Variants in CASD1 observed in about 807,000 individuals in gnomAD.
The protein encoded by CASD1 is CAS1 domain sialic acid O acetyltransferase 1, also known as N-acetylneuraminate (7)9-O-acetyltransferase.
Under a neutral mutation model 100.0 loss-of-function variants are expected in CASD1, and 41 were observed. The ratio of observed to expected loss-of-function variants is 0.41; its 90% CI spans 0.32 to 0.53. CASD1 has a LOEUF of 0.53. Among genes scored for constraint, CASD1 ranks in the 20% least tolerant of loss-of-function variants. The probability of loss-of-function intolerance (pLI) is 0.25; values close to 1 mark genes in which losing one functional copy is unlikely to be tolerated. For synonymous variants in CASD1, 321 were observed against 315.6 expected (o/e 1.02, Z -0.18); for missense variants, 774 against 948.7 (o/e 0.82, Z 2.42).
At chr7:94,590,568 G>C in the CASD1 span, 2 of 152,316 alleles carry the variant, frequency 1.3e-5, no homozygotes, top group South Asian at 4.1e-4. Context: ...CTGTATGGAA[G>C]AAACTCCAGG....
At chr7:94,564,145 A>G in the CASD1 span, among the ~76,000 whole-genome samples, 1 of 152,186 alleles carries the variant, frequency 6.6e-6, no homozygotes, top group Non-Finnish European at 1.5e-5. Flanking sequence ...AATGCACACA[A>G]TTTCTGATTA....
the CASD1 span, among the ~76,000 whole-genome samples, chr7:94,633,505 C>T: frequency 1.3e-5 from 2 of 151,992 alleles, no homozygotes; most frequent in Non-Finnish European, 1.5e-5. Flanking sequence ...ACCTTGTTCA[C>T]AAAACTGTTA....
intron 7 of CASD1, among the ~76,000 whole-genome samples, chr7:94,534,748 T>C (rs146298641): frequency 1.0e-3 from 156 of 152,304 alleles, no homozygotes; most frequent in African/African-American, 3.7e-3. Flanking sequence ...TGATGATCTG[T>C]TCCATAATCT....
chr7:94,535,188 C>A (rs945535463), intron 7 of CASD1, 121 bp from the exon 8 acceptor site: 40 of 696,476 alleles, frequency 5.7e-5, no homozygotes, highest in Non-Finnish European at 8.7e-5. Context: ...TATTAGGTAC[C>A]TGGTACCATC....
the CASD1 span, among the ~76,000 whole-genome samples, chr7:94,576,138 AAGAC>A: frequency 6.6e-6 from 1 of 152,208 alleles, no homozygotes; most frequent in African/African-American, 2.4e-5. Flanking sequence ...CTTATGGAAT[AAGAC>A]AGGTCTCTCA....
rs1051958674 is a variant in CASD1, at chr7:94,550,271, T to C, written c.1815+637T>C. Among the ~76,000 whole-genome samples, 5 of 152,266 alleles carry C rather than the reference T, an allele frequency of 3.3e-5. No individual in the cohort carries two copies. The South Asian group carries it at 1.0e-3, about 32-fold the overall frequency. On this transcript the variant is annotated intron_variant, in intron 14 of 17. Coordinates refer to ENST00000297273, the MANE Select transcript of CASD1 (RefSeq NM_022900.5). ...ATTCTTTCCTTTTTTCCTTTCCTTT[T>C]TGACTGATCTCTTTTTTCCAATAAA...
At chr7:94,544,637 T>G (rs933859365) in intron 11 of CASD1, 107 bp downstream of exon 11, 1 of 1,171,106 alleles carries the variant, frequency 8.5e-7, no homozygotes, top group Non-Finnish European at 1.2e-6. Context: ...ACTGAATAAT[T>G]TGAATTTATG....
the CASD1 span, among the ~76,000 whole-genome samples, chr7:94,591,950 C>T: frequency 1.3e-5 from 2 of 152,260 alleles, no homozygotes; most frequent in African/African-American, 4.8e-5. Flanking sequence ...CTCATGCACT[C>T]CTTGCAGTTT....
the CASD1 span, among the ~76,000 whole-genome samples, chr7:94,584,016 T>A: frequency 6.6e-6 from 1 of 152,196 alleles, no homozygotes; most frequent in African/African-American, 2.4e-5. Context: ...AAAGCTATTA[T>A]TAAAGATTTG....
intron 12 of CASD1, 120 bp from the exon 13 acceptor site, chr7:94,546,976 G>A (rs922330384): frequency 6.4e-5 from 36 of 564,580 alleles, no homozygotes; most frequent in Non-Finnish European, 9.3e-5. Flanking sequence ...GTGTATTCTT[G>A]TAAGCATTCT....
intron 9 of CASD1, 25 bp downstream of exon 9, chr7:94,537,919 C>A (rs748522969): frequency 2.4e-6 from 3 of 1,261,688 alleles, no homozygotes; most frequent in Non-Finnish European, 3.4e-6. Context: ...CTTTTTAACT[C>A]ATGTTACCCT....
the CASD1 span, among the ~76,000 whole-genome samples, chr7:94,605,568 C>T: frequency 6.6e-6 from 1 of 151,966 alleles, no homozygotes. Context: ...CATAAGATAC[C>T]TGCAATACCT....
the CASD1 span, among the ~76,000 whole-genome samples, chr7:94,607,620 T>G: frequency 1.8e-4 from 27 of 152,240 alleles, no homozygotes; most frequent in African/African-American, 6.5e-4. Flanking sequence ...AAAAAAATTC[T>G]TAGTAAACTA....
rs776955283 is a variant in CASD1, at chr7:94,518,321, A to G, written c.349A>G (p.Lys117Glu). 6.4e-7 allele frequency: 1 copy of G among 1,572,840 alleles called. No individual in the cohort carries two copies. Among genetic ancestry groups the G allele is most frequent in the Non-Finnish European group, 8.6e-7 (1 of 1,160,504 alleles). Residue 117 changes from lysine (K) to glutamate (E), a missense_variant and splice_region_variant, in exon 3 of 18, where the codon AAG becomes GAG. Coordinates refer to ENST00000297273, the MANE Select transcript of CASD1 (RefSeq NM_022900.5). ...TCCCCAATTCAAAGAAGAAGGAAAT[A>G]AGGTAAAACTTGTCTATTCCCTTCT... is the stretch of plus-strand genomic sequence containing the variant. ...INPQFKEEGN[K>E]HENIPFEDKT...
At chr7:94,590,937 C>T in the CASD1 span, 1 of 151,920 alleles carries the variant, frequency 6.6e-6, no homozygotes, top group Admixed American at 6.6e-5. Flanking sequence ...TAGGTAACAC[C>T]TTTGAGAGTT....
chr7:94,551,347 C>A lies in CASD1; in HGVS notation c.1825C>A (p.His609Asn), dbSNP rs1406108094. 2.6e-6 allele frequency: 4 copies of A among 1,537,508 alleles called. No individual in the cohort carries two copies. Among genetic ancestry groups the A allele is most frequent in the Non-Finnish European group, 2.6e-6 (3 of 1,151,758 alleles). ...TCTCTTTACTTTTCAGGTAGTTTTCCACGGAATGCTGTTTGCTTTTATTTA... is the reference window on the plus strand; with the variant it reads ...TCTCTTTACTTTTCAGGTAGTTTTCAACGGAATGCTGTTTGCTTTTATTTA... ...RWRLDRYVVF[H>N]GMLFAFIYLA... Residue 609 changes from histidine (H) to asparagine (N), a missense_variant, in exon 15 of 18, where the codon CAC (histidine) becomes AAC (asparagine). Around this residue, in one of 5 missense-constraint regions of CASD1, gnomAD observed 10 missense variants for 32.5 expected, o/e 0.31. Transcript: ENST00000297273.
intron 3 of CASD1, among the ~76,000 whole-genome samples, chr7:94,520,321 G>C (rs961913029): frequency 3.9e-5 from 6 of 151,954 alleles, no homozygotes; most frequent in Non-Finnish European, 7.4e-5. Flanking sequence ...GCCTGGTATG[G>C]GTATGTCTGG....
chr7:94,607,299 A>G, the CASD1 span, among the ~76,000 whole-genome samples: 1 of 152,184 alleles, frequency 6.6e-6, no homozygotes, highest in Non-Finnish European at 1.5e-5. Context: ...ATCTCATTCT[A>G]TGAAACCCAA....
At chr7:94,565,787 C>G in the CASD1 span, among the ~76,000 whole-genome samples, 57 of 152,276 alleles carry the variant, frequency 3.7e-4, no homozygotes, top group African/African-American at 1.3e-3. Flanking sequence ...TTCCAGGTGC[C>G]AACTATGTCA....
Sources: allele counts gnomAD v4.1 joint callset (sites outside exome capture counted in the v4.1 genomes callset), GRCh38; gene constraint gnomAD v4.1.1; regional missense constraint gnomAD v4.1.1; transcripts MANE v1.5; gene names NCBI Gene and HGNC (gene_info 2026-07-23, HGNC 2026-07-21).